Variants in CNTNAP4 observed in about 807,000 individuals in gnomAD.
CNTNAP4 encodes contactin associated protein family member 4.
In CNTNAP4, 98 loss-of-function variants were observed where a neutral mutation model predicts 148.4. The ratio of observed to expected loss-of-function variants is 0.66; its 90% CI spans 0.56 to 0.78. The LOEUF (loss-of-function observed/expected upper bound fraction) is 0.78. Among genes scored for constraint, CNTNAP4 ranks in the 30% least tolerant of loss-of-function variants. The pLI is 0.00. For synonymous variants in CNTNAP4, 730 were observed against 565.1 expected, an observed-to-expected ratio of 1.29 and a Z score of -4.14; for missense variants, 1,935 against 1,565.6, an observed-to-expected ratio of 1.24 and a Z score of -3.98.
At chr16:76,531,252 T>C (rs2083972874) in intron 17 of CNTNAP4, among the ~76,000 whole-genome samples, 1 of 152,196 alleles carries the variant, frequency 6.6e-6, no homozygotes, top group Non-Finnish European at 1.5e-5. Flanking sequence ...TCAAAGGTCT[T>C]TCTGCCACAA....
chr16:76,330,733 C>T (rs1019631301), intron 2 of CNTNAP4, among the ~76,000 whole-genome samples: 6 of 152,156 alleles, frequency 3.9e-5, no homozygotes, highest in African/African-American at 1.4e-4. Context: ...CTTAGCACTA[C>T]ATGACATCAA....
At chr16:76,359,324 A>T (rs1387323953) in intron 3 of CNTNAP4, among the ~76,000 whole-genome samples, 2 of 152,240 alleles carry the variant, frequency 1.3e-5, no homozygotes, top group Middle Eastern at 3.2e-3. Flanking sequence ...CACATAAGGC[A>T]TTATACAAGT....
intron 3 of CNTNAP4, among the ~76,000 whole-genome samples, chr16:76,426,734 C>G (rs1408199824): frequency 6.6e-6 from 1 of 151,586 alleles, no homozygotes; most frequent in East Asian, 1.9e-4. Context: ...TTTTTTCTTT[C>G]CTTTCTGACC....
At chr16:76,515,179 A>G (rs542683029) in intron 15 of CNTNAP4, among the ~76,000 whole-genome samples, 4 of 152,318 alleles carry the variant, frequency 2.6e-5, no homozygotes, top group African/African-American at 9.6e-5. Flanking sequence ...AAACAGTTGC[A>G]AACCACCTAT....
chr16:76,554,335 T>C (rs2085098714), intron 23 of CNTNAP4, among the ~76,000 whole-genome samples: 1 of 152,346 alleles, frequency 6.6e-6, no homozygotes. Context: ...TAGAAGCATA[T>C]ATTTTGTATT....
chr16:76,475,499 A>G (rs547154319), intron 10 of CNTNAP4, among the ~76,000 whole-genome samples: 1 of 152,332 alleles, frequency 6.6e-6, no homozygotes, highest in East Asian at 1.9e-4. Context: ...ATTCTCCTAC[A>G]TTCCTAGAAG....
intron 7 of CNTNAP4, among the ~76,000 whole-genome samples, chr16:76,452,258 G>T (rs959354759): frequency 6.6e-6 from 1 of 152,138 alleles, no homozygotes; most frequent in African/African-American, 2.4e-5. Flanking sequence ...TTATTCCAAT[G>T]TGTATTCTTC....
intron 3 of CNTNAP4, among the ~76,000 whole-genome samples, chr16:76,366,379 T>C (rs1001618805): frequency 2.6e-5 from 4 of 152,178 alleles, no homozygotes; most frequent in East Asian, 1.9e-4. Context: ...TAGGAACATA[T>C]AGCATTTGGT....
chr16:76,522,110 C>G lies in CNTNAP4; in HGVS notation c.2608C>G (p.His870Asp). ...TGAAATCTCAGTGCAGTCACCCACCCACTTCAACGACAACCAGTGGCACCA... is the reference window on the plus strand; with the variant it reads ...TGAAATCTCAGTGCAGTCACCCACCGACTTCAACGACAACCAGTGGCACCA... ...PFEISVQSPT[H>D]FNDNQWHHVR... is the part of the protein sequence containing the mutation. The change falls in exon 17 of 24, where the codon CAC becomes GAC. Residue 870 changes from histidine to aspartate, a missense_variant. Coordinates refer to ENST00000611870, the MANE Select transcript of CNTNAP4 (RefSeq NM_033401.5). The G allele has an allele frequency of 6.2e-7, 1 of 1,613,980 alleles. No individual in the cohort carries two copies. The highest frequency in any genetic ancestry group is 2.2e-5 in the East Asian group (1 of 44,876).
chr16:76,299,374 G>T (rs965578473), intron 1 of CNTNAP4, among the ~76,000 whole-genome samples: 1 of 152,180 alleles, frequency 6.6e-6, no homozygotes, highest in African/African-American at 2.4e-5. Context: ...CATTTATGCA[G>T]CCGACAGACA....
At chr16:76,379,780 G>C (rs1597372064) in intron 3 of CNTNAP4, among the ~76,000 whole-genome samples, 2 of 152,266 alleles carry the variant, frequency 1.3e-5, no homozygotes, top group Middle Eastern at 3.4e-3. Context: ...TTCTGACCAG[G>C]ACAATGGTCC....
chr16:76,471,750 T>C (rs1295634907), intron 10 of CNTNAP4, among the ~76,000 whole-genome samples: 1 of 152,182 alleles, frequency 6.6e-6, no homozygotes, highest in East Asian at 1.9e-4. Flanking sequence ...TTCCGCCTCC[T>C]GTAATACTGA....
At chr16:76,333,156 T>C (rs572097865) in intron 2 of CNTNAP4, among the ~76,000 whole-genome samples, 3 of 152,352 alleles carry the variant, frequency 2.0e-5, no homozygotes, top group Admixed American at 2.0e-4. Flanking sequence ...ATCTCTGGGC[T>C]AGGGTTAGTA....
At position 76,476,051 on chromosome 16, in the gene CNTNAP4, C is replaced by T. The variant is rs9935035; in HGVS notation, c.1762+6C>T. On this transcript the variant is annotated splice_donor_region_variant and intron_variant, in intron 11 of 23. Transcript: ENST00000611870. ...AGGAGCTACTTGCCATAACTGTAAG[C>T]GGAACACATCTGCTTTTTCTTGCCC... 31,671 of 1,585,412 alleles carry T rather than the reference C, an allele frequency of 0.02. 1,164 individuals are homozygous for T. The highest frequency in any genetic ancestry group is 0.11 in the African/African-American group (7,933 of 74,422).
chr16:76,372,547 C>A (rs939961693), intron 3 of CNTNAP4, among the ~76,000 whole-genome samples: 1 of 152,040 alleles, frequency 6.6e-6, no homozygotes, highest in African/African-American at 2.4e-5. Flanking sequence ...GGCAGTTTCC[C>A]CCATACTGTT....
intron 13 of CNTNAP4, 122 bp downstream of exon 13, chr16:76,490,005 C>T (rs962465600): frequency 3.0e-5 from 15 of 501,322 alleles, no homozygotes; most frequent in African/African-American, 2.7e-4. Context: ...TATGATCTCA[C>T]ATACTTAGTA....
chr16:76,403,135 G>A (rs137899388), intron 3 of CNTNAP4, among the ~76,000 whole-genome samples: 4 of 149,240 alleles, frequency 2.7e-5, no homozygotes, highest in Non-Finnish European at 5.9e-5. Flanking sequence ...CTCTGTCTCC[G>A]GGGCTGGAGT....
chr16:76,318,183 T>C (rs1256476364), intron 2 of CNTNAP4, among the ~76,000 whole-genome samples: 2 of 152,204 alleles, frequency 1.3e-5, no homozygotes, highest in East Asian at 1.9e-4. Flanking sequence ...TGTGCTTCTT[T>C]ATAGAGAAAA....
chr16:76,284,474 G>C (rs1236169880), intron 1 of CNTNAP4, among the ~76,000 whole-genome samples: 1 of 151,908 alleles, frequency 6.6e-6, no homozygotes, highest in Non-Finnish European at 1.5e-5. Context: ...GAGACCCTGT[G>C]ATTAACTGAA....
Sources: gnomAD v4.1 joint callset for allele counts (sites outside exome capture counted in the v4.1 genomes callset) on GRCh38, gnomAD v4.1.1 for gene constraint, MANE v1.5 for transcripts, NCBI Gene and HGNC (gene_info 2026-07-23, HGNC 2026-07-21) for gene names.